The following AGAP1 variants were observed in gnomAD, a reference collection of about 807,000 sequenced individuals.
AGAP1 encodes the protein ArfGAP with GTPase domain, ankyrin repeat and PH domain 1, also known as arf-GAP with GTPase, ANK repeat and PH domain-containing protein 1.
Under a neutral mutation model 105.3 loss-of-function variants are expected in AGAP1, and 29 were observed. The ratio of observed to expected loss-of-function variants is 0.28; its 90% CI spans 0.21 to 0.38. The LOEUF is 0.38. Among genes scored for constraint, AGAP1 ranks in the 10% least tolerant of loss-of-function variants. AGAP1 has a pLI of 1.00. For synonymous variants in AGAP1, 509 were observed against 485.9 expected, an observed-to-expected ratio of 1.05 and a Z score of -0.63; for missense variants, 998 against 1,165.1, an observed-to-expected ratio of 0.86 and a Z score of 2.09.
chr2:235,667,953 C>G lies in AGAP1; in HGVS notation c.164-41226C>G, dbSNP rs528768208. 7.5e-5 allele frequency among the ~76,000 whole-genome samples: 8 copies of G among 106,868 alleles called. No homozygotes were observed. In the South Asian group the frequency reaches 2.6e-3, roughly 34 times the overall value. The allele number at this position is 106,868 out of a possible 152,430, so 70.1% of individuals were successfully genotyped here. Reference sequence around the variant, plus strand: ...CGACTGGGCAAGAGCGAGTGAGCCTCTGTCTCAAAAAAAAAAAAAAAAAAA... The same window carrying G: ...CGACTGGGCAAGAGCGAGTGAGCCTGTGTCTCAAAAAAAAAAAAAAAAAAA... On this transcript the variant is annotated intron_variant, in intron 1 of 17. Transcript: ENST00000304032.
At chr2:236,075,282 TC>T (rs1191888049) in intron 16 of AGAP1, among the ~76,000 whole-genome samples, 6 of 152,038 alleles carry the variant, frequency 3.9e-5, no homozygotes, top group Non-Finnish European at 8.8e-5. Context: ...CTGAAGTGTA[TC>T]CCTAAAAACA....
rs1465247388 is a variant in AGAP1 at position 235,737,578 on chromosome 2, TTCACTTGTGAACGTGAC to T, written c.311-3382_311-3366del. 8.5e-5 allele frequency among the ~76,000 whole-genome samples: 13 copies of T among 152,162 alleles called. No homozygotes were observed. Among genetic ancestry groups the T allele is most frequent in the Non-Finnish European group, 2.9e-5 (2 of 68,026 alleles). ...TATTGTGATTCAGCCACCTGGAAGC[TTCACTTGTGAACGTGAC>T]TCTGCAAAAACATGTTAGAGGAAGC... On this transcript the variant is annotated intron_variant, in intron 3 of 17. Coordinates refer to ENST00000304032, the MANE Select transcript of AGAP1 (RefSeq NM_001037131.3). This position sits in a 1 kb window ranked among gnomAD's most constrained non-coding sequence, Gnocchi z 4.5.
chr2:235,666,224 AATG>A (rs1244371677), intron 1 of AGAP1, among the ~76,000 whole-genome samples: 1 of 152,162 alleles, frequency 6.6e-6, no homozygotes, highest in Non-Finnish European at 1.5e-5. Context: ...AAAAAAAAAA[AATG>A]GTGATATGCT....
At position 235,716,799 on chromosome 2, in the gene AGAP1, G is replaced by T. The variant is rs1043559277; in HGVS notation, c.223-758G>T. 1.3e-5 allele frequency among the ~76,000 whole-genome samples: 2 copies of T among 152,078 alleles called. No homozygotes were observed. The highest frequency in any genetic ancestry group is 4.8e-5 in the African/African-American group (2 of 41,398). On this transcript the variant is annotated intron_variant, in intron 2 of 17. Transcript: ENST00000304032. The surrounding 1 kb of genome is among the most constrained non-coding windows in gnomAD (Gnocchi z 4.0). ...GCCAGGTGTGTCTCCTGTGTCAACAGGGAGGCTTCCTGTGAAGAATCCCCT... is the reference window on the plus strand; with the variant it reads ...GCCAGGTGTGTCTCCTGTGTCAACATGGAGGCTTCCTGTGAAGAATCCCCT...
chr2:236,093,132 A>G (rs1057498464), intron 16 of AGAP1, among the ~76,000 whole-genome samples: 1 of 152,260 alleles, frequency 6.6e-6, no homozygotes, highest in African/African-American at 2.4e-5. Flanking sequence ...GAAAATCTCT[A>G]TCCCGCAACC....
chr2:235,897,062 GT>G (rs1243418526), intron 10 of AGAP1, among the ~76,000 whole-genome samples: 1 of 152,082 alleles, frequency 6.6e-6, no homozygotes, highest in Non-Finnish European at 1.5e-5. Flanking sequence ...TTCTTTTTTT[GT>G]TTGTTTTTTG....
chr2:236,071,109 G>A (rs1337671567), intron 16 of AGAP1, among the ~76,000 whole-genome samples: 1 of 152,268 alleles, frequency 6.6e-6, no homozygotes, highest in Non-Finnish European at 1.5e-5. Context: ...GGAGTGAGAA[G>A]ATGGGAACCA....
intron 1 of AGAP1, among the ~76,000 whole-genome samples, chr2:235,636,012 C>A (rs978055794): frequency 6.6e-6 from 1 of 151,954 alleles, no homozygotes; most frequent in Non-Finnish European, 1.5e-5. Context: ...ACTTGGGAGG[C>A]TGAGGCAGGA....
rs1352753975 is a variant in AGAP1, at chr2:235,961,024, CTT to C, written c.1484-7436_1484-7435del. ...CACAGAGGTTAGTTCTTTCATAAAA[CTT>C]TATTACGTATCGAACCCCATTACTC... On this transcript the variant is annotated intron_variant, in intron 12 of 17. Transcript: ENST00000304032. This position sits in a 1 kb window ranked among gnomAD's most constrained non-coding sequence, Gnocchi z 5.9. Among the ~76,000 whole-genome samples, 1 of 152,226 alleles carries C rather than the reference CTT, an allele frequency of 6.6e-6. No homozygotes were observed. Among genetic ancestry groups the C allele is most frequent in the South Asian group, 2.1e-4 (1 of 4,832 alleles).
chr2:235,909,614 C>T (rs549621463), intron 11 of AGAP1, among the ~76,000 whole-genome samples: 11 of 152,314 alleles, frequency 7.2e-5, no homozygotes, highest in African/African-American at 2.6e-4. Context: ...CTCCCATAAA[C>T]ACACACACAG....
At chr2:235,899,475 T>C (rs2050959571) in intron 10 of AGAP1, among the ~76,000 whole-genome samples, 1 of 152,228 alleles carries the variant, frequency 6.6e-6, no homozygotes, top group African/African-American at 2.4e-5. Flanking sequence ...ATCATGCCAC[T>C]GCACTCCAGC....
In AGAP1 at chr2:235,900,253, G is replaced by A. The variant is rs2051003140; in HGVS notation, c.1156-8485G>A. Among the ~76,000 whole-genome samples, 1 of 152,194 alleles carries A rather than the reference G, an allele frequency of 6.6e-6. No homozygotes were observed. The highest frequency in any genetic ancestry group is 2.4e-5 in the African/African-American group (1 of 41,438). On this transcript the variant is annotated intron_variant, in intron 10 of 17. Transcript: ENST00000304032. This position sits in a 1 kb window ranked among gnomAD's most constrained non-coding sequence, Gnocchi z 5.5. ...TCCTTACCTCCATGATGGAGTAGTA[G>A]ACTGATTTCATCTTGATAGTCTGGG... is the stretch of plus-strand genomic sequence containing the variant.
intron 1 of AGAP1, among the ~76,000 whole-genome samples, chr2:235,504,324 T>C (rs945394435): frequency 2.0e-5 from 3 of 148,556 alleles, no homozygotes; most frequent in Middle Eastern, 3.5e-3. Flanking sequence ...GCCTGTGATA[T>C]GTGCTTGAGT....
Position 236,116,600 on chromosome 2 carries a change from C to T in AGAP1, c.2115-3592C>T, listed in dbSNP as rs1460182822. 2.6e-5 allele frequency among the ~76,000 whole-genome samples: 4 copies of T among 152,098 alleles called. No homozygotes were observed. The East Asian group carries it at 5.8e-4, about 22-fold the overall frequency. On this transcript the variant is annotated intron_variant, in intron 16 of 17. Transcript: ENST00000304032. ...CTGACCTCAAGAGAACCACCCACCA[C>T]GGCCTCCCAAAGTGCTGAGATTACA...
intron 13 of AGAP1, among the ~76,000 whole-genome samples, chr2:236,017,351 T>A (rs116706713): frequency 0.012 from 1,813 of 152,142 alleles, 38 homozygotes; most frequent in African/African-American, 0.041. Context: ...AATTGTCAAA[T>A]TCCTTTCTGA....
In AGAP1 at chr2:235,579,555, C is replaced by T. The variant is rs534976202; in HGVS notation, c.163+84706C>T. Among the ~76,000 whole-genome samples, 6 of 152,166 alleles carry T rather than the reference C, an allele frequency of 3.9e-5. No individual in the cohort carries two copies. In the South Asian group the frequency reaches 1.2e-3, roughly 32 times the overall value. On this transcript the variant is annotated intron_variant, in intron 1 of 17. Coordinates refer to ENST00000304032, the MANE Select transcript of AGAP1 (RefSeq NM_001037131.3). ...CTTTGGGAGGCCTAGGCGGGCAGAT[C>T]ACGAGGTCAGGAGATCGAGACCATC...
intron 9 of AGAP1, among the ~76,000 whole-genome samples, chr2:235,810,538 C>T (rs985501000): frequency 6.6e-6 from 1 of 152,172 alleles, no homozygotes; most frequent in Non-Finnish European, 1.5e-5. Context: ...TGCAATCTAA[C>T]CCCAGAGTTT....
At chr2:235,735,712 G>A (rs1952208427) in intron 3 of AGAP1, among the ~76,000 whole-genome samples, 1 of 152,142 alleles carries the variant, frequency 6.6e-6, no homozygotes, top group South Asian at 2.1e-4. Context: ...CTGCAGTGTG[G>A]GATTTAGGGA....
rs1293983373 is a variant in AGAP1 at position 235,971,810 on chromosome 2, G to A, written c.1645+3187G>A. ...ATTGTATTTTTTGAGACAGGTCCTC[G>A]CTCTGTCACCCAGGCTGGGGTGTAG... is the stretch of plus-strand genomic sequence containing the variant. On this transcript the variant is annotated intron_variant, in intron 13 of 17. Coordinates refer to ENST00000304032, the MANE Select transcript of AGAP1 (RefSeq NM_001037131.3). This position sits in a 1 kb window ranked among gnomAD's most constrained non-coding sequence, Gnocchi z 4.8. Among the ~76,000 whole-genome samples the A allele has an allele frequency of 3.4e-5, 5 of 148,200 alleles. No individual in the cohort carries two copies. Among genetic ancestry groups the A allele is most frequent in the African/African-American group, 5.1e-5 (2 of 39,588 alleles).
Sources: gnomAD v4.1 joint callset for allele counts (sites outside exome capture counted in the v4.1 genomes callset) on GRCh38, gnomAD v4.1.1 for gene constraint, Gnocchi (gnomAD v3.1) non-coding constraint, MANE v1.5 for transcripts, NCBI Gene and HGNC (gene_info 2026-07-23, HGNC 2026-07-21) for gene names.